Variants in BRI3BP observed in about 807,000 individuals in gnomAD.
BRI3BP encodes the protein BRI3 binding protein, also known as BRI3-binding protein.
BRI3BP carries 7 observed loss-of-function variants against 15.8 expected under a neutral mutation model. The ratio of observed to expected loss-of-function variants is 0.44; its 90% CI spans 0.25 to 0.83. BRI3BP has a LOEUF of 0.83. Ranked by LOEUF, BRI3BP falls within the 40% of genes least tolerant of loss-of-function variation. The pLI is 0.20. For missense variants in BRI3BP, 320 were observed against 339.3 expected, an observed-to-expected ratio of 0.94 and a Z score of 0.45; for synonymous variants, 192 against 163.5, an observed-to-expected ratio of 1.17 and a Z score of -1.33.
At chr12:125,009,193 C>T (rs951453282) in intron 1 of BRI3BP, among the ~76,000 whole-genome samples, 3 of 151,040 alleles carry the variant, frequency 2.0e-5, no homozygotes, top group African/African-American at 7.3e-5. Context: ...GTTAGTCAGG[C>T]TGGTCTCAAA....
rs1399143022 is a variant in BRI3BP at position 125,010,016 on chromosome 12, C to A, written c.214-2518C>A. 9.2e-5 allele frequency among the ~76,000 whole-genome samples: 14 copies of A among 152,140 alleles called. No homozygotes were observed. The South Asian group carries it at 1.5e-3, about 16-fold the overall frequency. The stretch of plus-strand genomic sequence containing the variant: ...ACTCAGGAGGCTGAAGCAGGAGAAT[C>A]TCTTGAACCCAGGAGGCGAAGGTTG... On this transcript the variant is annotated intron_variant, in intron 1 of 2. Transcript: ENST00000341446.
At chr12:125,010,826 G>T (rs11837682) in intron 1 of BRI3BP, among the ~76,000 whole-genome samples, 1 of 151,772 alleles carries the variant, frequency 6.6e-6, no homozygotes, top group Admixed American at 6.6e-5. Context: ...GGGTGTGGTG[G>T]CTCACGCCTA....
At position 125,025,636 on chromosome 12, in the gene BRI3BP, C is replaced by A. The variant is rs566637366; in HGVS notation, c.*206C>A. On this transcript the variant is annotated 3_prime_UTR_variant, in exon 3 of 3. Transcript: ENST00000341446. ...AAGATCATTGACGTGGAACTACACA[C>A]GAAGTGTAATTAGTGGGGGAAAAAA... 3.1e-5 allele frequency: 17 copies of A among 545,604 alleles called. No individual in the cohort carries two copies. The highest frequency in any genetic ancestry group is 1.8e-4 in the Admixed American group (5 of 28,374). 33.8% of individuals were successfully genotyped at this position (545,604 alleles called of 1,614,324 possible). A position where few individuals can be genotyped will look rare whatever the true frequency, so the allele number is the denominator to read the frequency against.
chr12:125,024,789 AC>A (rs1349430411), intron 2 of BRI3BP, among the ~76,000 whole-genome samples: 5 of 151,672 alleles, frequency 3.3e-5, no homozygotes, highest in Non-Finnish European at 7.4e-5. Context: ...ACAGAGCAAG[AC>A]TCCATCTCAA....
chr12:125,003,056 G>C (rs890289371), intron 1 of BRI3BP, among the ~76,000 whole-genome samples: 5 of 152,152 alleles, frequency 3.3e-5, no homozygotes, highest in Non-Finnish European at 7.3e-5. Flanking sequence ...CGTTCATCTG[G>C]CTTTTGCATT....
At chr12:125,005,887 G>A (rs1343581073) in intron 1 of BRI3BP, among the ~76,000 whole-genome samples, 1 of 152,008 alleles carries the variant, frequency 6.6e-6, no homozygotes, top group East Asian at 1.9e-4. Context: ...CTGTGTTTGT[G>A]TGCACTGCAG....
chr12:125,044,599 C>A, the BRI3BP span, among the ~76,000 whole-genome samples: 2 of 151,592 alleles, frequency 1.3e-5, no homozygotes, highest in Non-Finnish European at 2.9e-5. Flanking sequence ...CAAGCATGCG[C>A]CACCACACCC....
At position 124,993,651 on chromosome 12, in the gene BRI3BP, G is replaced by C. The variant is rs1162098420; in HGVS notation, c.-140G>C. 4 of 334,010 alleles carry C rather than the reference G, an allele frequency of 1.2e-5. No individual in the cohort carries two copies. Among genetic ancestry groups the C allele is most frequent in the Non-Finnish European group, 1.7e-5 (4 of 237,128 alleles). 20.7% of individuals were successfully genotyped at this position (334,010 alleles called of 1,614,324 possible). On this transcript the variant is annotated 5_prime_UTR_variant, in exon 1 of 3. Coordinates refer to ENST00000341446, the MANE Select transcript of BRI3BP (RefSeq NM_080626.6). ...TTGCGCGCGGGGCGGGGCAGGTGGCGCAGCAGCGGCGGCGGCGGCTGTGGG... is the reference window on the plus strand; with the variant it reads ...TTGCGCGCGGGGCGGGGCAGGTGGCCCAGCAGCGGCGGCGGCGGCTGTGGG...
chr12:125,037,832 G>A, the BRI3BP span, among the ~76,000 whole-genome samples: 11 of 150,528 alleles, frequency 7.3e-5, no homozygotes, highest in African/African-American at 2.4e-4. Context: ...AAAAAGAAAA[G>A]AAAAGAAAAA....
At chr12:124,998,963 A>T (rs1238467774) in intron 1 of BRI3BP, among the ~76,000 whole-genome samples, 1 of 152,086 alleles carries the variant, frequency 6.6e-6, no homozygotes, top group African/African-American at 2.4e-5. Flanking sequence ...CTGTGGTCCC[A>T]GCTACTTGGG....
the BRI3BP span, among the ~76,000 whole-genome samples, chr12:125,040,923 G>T: frequency 6.6e-6 from 1 of 151,640 alleles, no homozygotes. Flanking sequence ...TAGAGGTGGG[G>T]TTTCTTCATG....
downstream of BRI3BP, among the ~76,000 whole-genome samples, chr12:125,035,006 C>G (rs1354658689): frequency 6.6e-6 from 1 of 152,140 alleles, no homozygotes. Flanking sequence ...CCAGTTGTTG[C>G]CCTTATCAAT....
At chr12:125,037,727 G>A in the BRI3BP span, among the ~76,000 whole-genome samples, 1 of 150,986 alleles carries the variant, frequency 6.6e-6, no homozygotes, top group Non-Finnish European at 1.5e-5. Context: ...CAGAAGAATC[G>A]CTTGAACCCA....
At chr12:125,045,574 T>C in the BRI3BP span, among the ~76,000 whole-genome samples, 1 of 152,146 alleles carries the variant, frequency 6.6e-6, no homozygotes, top group East Asian at 1.9e-4. Context: ...CCTCGCGATC[T>C]GCCCGCCTAG....
chr12:125,011,732 A>AT (rs1184112249), intron 1 of BRI3BP, among the ~76,000 whole-genome samples: 2 of 152,084 alleles, frequency 1.3e-5, no homozygotes, highest in Non-Finnish European at 2.9e-5. Flanking sequence ...TTTTAAAAAA[A>AT]AAAGTTAAAA....
rs1434293571 is a variant in BRI3BP, at chr12:125,026,089, T to C, written c.*659T>C. 1 of 152,224 alleles carries C rather than the reference T, an allele frequency of 6.6e-6. No individual in the cohort carries two copies. The highest frequency in any genetic ancestry group is 1.5e-5 in the Non-Finnish European group (1 of 68,048). The allele number at this position is 152,224 out of a possible 1,614,324, so 9.4% of individuals were successfully genotyped here. ...AGCCCCCATCAGTCCTATTTTTAAA[T>C]GAAGACATCGCCATTTCTAGAAGAC... is the stretch of plus-strand genomic sequence containing the variant. On this transcript the variant is annotated 3_prime_UTR_variant, in exon 3 of 3. Transcript: ENST00000341446.
chr12:125,038,828 G>A, the BRI3BP span, among the ~76,000 whole-genome samples: 1 of 151,836 alleles, frequency 6.6e-6, no homozygotes, highest in African/African-American at 2.4e-5. Context: ...CTTGGCTCAC[G>A]CCTGTAATCC....
rs1955399547 is a variant in BRI3BP, at chr12:125,030,661, AT to A, written c.*5234del. The A allele has an allele frequency of 6.6e-6, 1 of 152,186 alleles. No homozygotes were observed. Among genetic ancestry groups the A allele is most frequent in the African/African-American group, 2.4e-5 (1 of 41,442 alleles). The allele number at this position is 152,186 out of a possible 1,614,324, so 9.4% of individuals were successfully genotyped here. A position where few individuals can be genotyped will look rare whatever the true frequency, so the allele number is the denominator to read the frequency against. On this transcript the variant is annotated 3_prime_UTR_variant, in exon 3 of 3. Transcript: ENST00000341446. The stretch of plus-strand genomic sequence containing the variant: ...CATGTGTTCTCATGTCTTTTTGCAG[AT>A]TTAAAGGTTTTATTGTAGTGTCCAT...
intron 2 of BRI3BP, among the ~76,000 whole-genome samples, chr12:125,016,774 C>T (rs1174547231): frequency 3.3e-5 from 5 of 150,846 alleles, no homozygotes; most frequent in African/African-American, 9.7e-5. Flanking sequence ...GATCCGCCCG[C>T]CTCAGCCTCC....
Sources: allele counts gnomAD v4.1 joint callset (sites outside exome capture counted in the v4.1 genomes callset), GRCh38; gene constraint gnomAD v4.1.1; transcripts MANE v1.5; gene names NCBI Gene and HGNC (gene_info 2026-07-23, HGNC 2026-07-21).